The following SMYD2 variants were observed in gnomAD, a reference collection of about 807,000 sequenced individuals.
SMYD2 encodes the protein SET and MYND domain containing 2.
In SMYD2, 53 loss-of-function variants were observed where a neutral mutation model predicts 59.1. The ratio of observed to expected loss-of-function variants is 0.90; its 90% CI spans 0.72 to 1.13. The LOEUF is 1.13. Ranked by LOEUF, SMYD2 falls within the 50% of genes most tolerant of loss-of-function variation. The pLI is 0.00. For synonymous variants in SMYD2, 208 were observed against 198.8 expected, an observed-to-expected ratio of 1.05 and a Z score of -0.39; for missense variants, 494 against 544.7, an observed-to-expected ratio of 0.91 and a Z score of 0.93.
intron 2 of SMYD2, among the ~76,000 whole-genome samples, chr1:214,313,021 G>A (rs144222935): frequency 1.9e-4 from 29 of 152,354 alleles, no homozygotes; most frequent in African/African-American, 6.7e-4. Flanking sequence ...GAAGTGATCA[G>A]ATTCCAGGCA....
intron 1 of SMYD2, among the ~76,000 whole-genome samples, chr1:214,295,819 C>T (rs971264913): frequency 1.3e-5 from 2 of 152,218 alleles, no homozygotes; most frequent in Non-Finnish European, 2.9e-5. Context: ...TAATAGGGTT[C>T]TGCCACAATT....
intron 3 of SMYD2, among the ~76,000 whole-genome samples, chr1:214,316,958 C>G (rs1187776222): frequency 1.3e-5 from 2 of 152,134 alleles, no homozygotes; most frequent in African/African-American, 4.8e-5. Flanking sequence ...CTCCGCACAT[C>G]TTGGGAGGAT....
intron 3 of SMYD2, among the ~76,000 whole-genome samples, 185 bp from the exon 4 acceptor site, chr1:214,317,894 G>C (rs1337500889): frequency 1.3e-5 from 2 of 152,174 alleles, no homozygotes; most frequent in African/African-American, 4.8e-5. Context: ...ATTTAAAAAA[G>C]CGCTTTAGAA....
At chr1:214,317,315 A>C (rs1657102358) in intron 3 of SMYD2, among the ~76,000 whole-genome samples, 1 of 152,238 alleles carries the variant, frequency 6.6e-6, no homozygotes, top group Admixed American at 6.5e-5. Flanking sequence ...TGATTAAAAA[A>C]ACAGACCATT....
chr1:214,286,856 C>CTTTT (rs34796070), intron 1 of SMYD2, among the ~76,000 whole-genome samples: 11 of 145,202 alleles, frequency 7.6e-5, no homozygotes, highest in African/African-American at 1.8e-4. Context: ...GATCTCTCTT[C>CTTTT]TTTTTTTTTT....
At chr1:214,293,015 GTGTGTGTGTGT>G (rs1656662004) in intron 1 of SMYD2, among the ~76,000 whole-genome samples, 4 of 462 alleles carry the variant, frequency 8.7e-3, no homozygotes, top group African/African-American at 0.059. Context: ...TTCTGTTTGT[GTGTGTGTGTGT>G]GTGTGTGTGT....
At chr1:214,286,850 T>C (rs1386496690) in intron 1 of SMYD2, among the ~76,000 whole-genome samples, 2 of 51,358 alleles carry the variant, frequency 3.9e-5, no homozygotes, top group Non-Finnish European at 6.5e-5. Context: ...CACTCTGATC[T>C]CTCTTCTTTT....
At chr1:214,316,851 A>G (rs1054256087) in intron 3 of SMYD2, among the ~76,000 whole-genome samples, 2 of 152,124 alleles carry the variant, frequency 1.3e-5, no homozygotes, top group African/African-American at 4.8e-5. Context: ...AATAACAGTT[A>G]TTTTTAAATT....
chr1:214,330,811 G>A lies in SMYD2; in HGVS notation c.817-139G>A, dbSNP rs563909760. ...CTGAATTTCTTCAGATGCATTGCCT[G>A]ATTTCCTTTCATTCTTTTGTAACCT... On this transcript the variant is annotated intron_variant, in intron 8 of 11. Coordinates refer to ENST00000366957, the MANE Select transcript of SMYD2 (RefSeq NM_020197.3). 226 of 1,328,476 alleles carry A rather than the reference G, an allele frequency of 1.7e-4. 2 individuals carry two copies. In the South Asian group the frequency reaches 3.1e-3, roughly 19 times the overall value. 82.3% of individuals were successfully genotyped at this position (1,328,476 alleles called of 1,614,324 possible).
At chr1:214,323,567 A>G (rs1292512788) in intron 5 of SMYD2, among the ~76,000 whole-genome samples, 1 of 151,524 alleles carries the variant, frequency 6.6e-6, no homozygotes, top group Admixed American at 6.6e-5. Flanking sequence ...GAGTAGATGG[A>G]ACAGCTGGGA....
chr1:214,326,783 A>G (rs1487492055), intron 6 of SMYD2, among the ~76,000 whole-genome samples: 1 of 152,110 alleles, frequency 6.6e-6, no homozygotes, highest in East Asian at 1.9e-4. Flanking sequence ...GGGAGGTGAC[A>G]TTGGCCACCA....
At chr1:214,324,558 A>G (rs1657232103) in intron 5 of SMYD2, 83 bp from the exon 6 acceptor site, 1 of 1,243,044 alleles carries the variant, frequency 8.0e-7, no homozygotes, top group Admixed American at 2.2e-5. Flanking sequence ...TAATTTGTTA[A>G]AAGTCAAAAT....
intron 8 of SMYD2, among the ~76,000 whole-genome samples, 158 bp from the exon 9 acceptor site, chr1:214,330,792 T>G (rs568704278): frequency 1.3e-5 from 2 of 152,374 alleles, no homozygotes; most frequent in East Asian, 3.9e-4. Context: ...AGTACTGAAT[T>G]TCTTCAGATG....
chr1:214,325,857 G>C (rs1354042304), intron 6 of SMYD2, among the ~76,000 whole-genome samples: 1 of 150,352 alleles, frequency 6.7e-6, no homozygotes, highest in Non-Finnish European at 1.5e-5. Context: ...TGAAGAAGGC[G>C]TGTATTGACA....
rs1288177796 is a variant in SMYD2, at chr1:214,324,773, C to G, written c.602+65C>G. 1.2e-5 allele frequency: 18 copies of G among 1,445,074 alleles called. No homozygotes were observed. In the South Asian group the frequency reaches 2.0e-4, roughly 16 times the overall value. 89.5% of individuals were successfully genotyped at this position (1,445,074 alleles called of 1,614,324 possible). On this transcript the variant is annotated intron_variant, in intron 6 of 11. Transcript: ENST00000366957. ...CTTAACACTAATTTGATTTTTTTTT[C>G]ATTTTTAAATAACCCACCTAACTGC...
chr1:214,289,307 GGT>G, intron 1 of SMYD2, among the ~76,000 whole-genome samples: 1 of 152,190 alleles, frequency 6.6e-6, no homozygotes, highest in Non-Finnish European at 1.5e-5. Context: ...TTTGAACTTA[GGT>G]TAATATTCCC....
At chr1:214,307,389 GCTAGA>G (rs1235246824) in intron 2 of SMYD2, among the ~76,000 whole-genome samples, 2 of 152,168 alleles carry the variant, frequency 1.3e-5, no homozygotes, top group South Asian at 2.1e-4. Flanking sequence ...TGTAATTCAG[GCTAGA>G]CTAAAGCTTA....
intron 6 of SMYD2, among the ~76,000 whole-genome samples, chr1:214,327,207 A>G (rs1328467314): frequency 2.6e-5 from 4 of 152,244 alleles, no homozygotes; most frequent in Non-Finnish European, 4.4e-5. Context: ...TCTGAAAAAA[A>G]CGTGAGAAAT....
chr1:214,305,328 G>C, intron 2 of SMYD2, 78 bp downstream of exon 2: 3 of 1,351,798 alleles, frequency 2.2e-6, no homozygotes, highest in Non-Finnish European at 3.2e-6. Context: ...ATTCCTCAGC[G>C]CCCTCCTGGA....
Sources: allele counts gnomAD v4.1 joint callset (sites outside exome capture counted in the v4.1 genomes callset), GRCh38; gene constraint gnomAD v4.1.1; transcripts MANE v1.5; gene names NCBI Gene and HGNC (gene_info 2026-07-23, HGNC 2026-07-21).